The following KDM2B variants were observed in gnomAD, a reference collection of about 807,000 sequenced individuals.
KDM2B encodes lysine-specific demethylase 2B.
A neutral mutation model predicts 150.0 loss-of-function variants in KDM2B; 26 were observed. The observed-to-expected ratio is 0.17, with a 90% CI of 0.13 to 0.24. KDM2B has a LOEUF of 0.24. KDM2B is among the 10% of genes least tolerant of loss of function. KDM2B has a pLI of 1.00. For synonymous variants in KDM2B, 734 were observed against 729.5 expected, an observed-to-expected ratio of 1.01 and a Z score of -0.10; for missense variants, 1,265 against 1,816.9, an observed-to-expected ratio of 0.70 and a Z score of 5.52.
chr12:121,497,408 G>A (rs781788178), intron 11 of KDM2B, among the ~76,000 whole-genome samples: 9 of 152,026 alleles, frequency 5.9e-5, no homozygotes, highest in African/African-American at 1.2e-4. Flanking sequence ...AGGTTCAAGC[G>A]AGTCTCCTGC....
chr12:121,449,978 C>T (rs1876945903), intron 13 of KDM2B, among the ~76,000 whole-genome samples: 2 of 152,122 alleles, frequency 1.3e-5, no homozygotes, highest in Admixed American at 1.3e-4. Flanking sequence ...GGGTTAATAT[C>T]CAAAACATAT....
In KDM2B at chr12:121,518,584, G is replaced by C. The variant is rs28496490; in HGVS notation, c.1047+2401C>G. 6.6e-6 allele frequency among the ~76,000 whole-genome samples: 1 copy of C among 152,212 alleles called. No homozygotes were observed. Among genetic ancestry groups the C allele is most frequent in the Admixed American group, 6.5e-5 (1 of 15,282 alleles). ...CCACGTAAGCTCAGTGTGATGCTCAGGGGTCCGGCCAGCACCCTGCCAGTC... is the reference window on the plus strand; with the variant it reads ...CCACGTAAGCTCAGTGTGATGCTCACGGGTCCGGCCAGCACCCTGCCAGTC... On this transcript the variant is annotated intron_variant, in intron 9 of 22. Transcript: ENST00000377071. This position sits in a 1 kb window ranked among gnomAD's most constrained non-coding sequence, Gnocchi z 4.4.
At chr12:121,417,915 C>T in the KDM2B span, 3 of 1,611,722 alleles carry the variant, frequency 1.9e-6, no homozygotes, top group African/African-American at 1.3e-5. The surrounding 1 kb of genome is among the most constrained non-coding windows in gnomAD (Gnocchi z 5.0). Context: ...GGCACAGGTA[C>T]GAGGGGGTAA....
intron 4 of KDM2B, among the ~76,000 whole-genome samples, chr12:121,553,392 G>C (rs1889664780): frequency 6.6e-6 from 1 of 152,064 alleles, no homozygotes; most frequent in Non-Finnish European, 1.5e-5. Flanking sequence ...ATAGGATAAA[G>C]AGCACTAAAA....
Position 121,580,093 on chromosome 12 carries a change from C to G in KDM2B, c.126+693G>C, listed in dbSNP as rs565409720. 4 of 1,584,952 alleles carry G rather than the reference C, an allele frequency of 2.5e-6. No individual in the cohort carries two copies. The African/African-American group carries it at 4.1e-5, about 16-fold the overall frequency. ...CACCAATTAATTGTCAACACTCCTG[C>G]CCCCTGCATTTTGGCCGAGGGGGGA... On this transcript the variant is annotated intron_variant, in intron 1 of 22. Transcript: ENST00000377071.
At chr12:121,449,998 C>T (rs541534509) in intron 13 of KDM2B, among the ~76,000 whole-genome samples, 3 of 152,290 alleles carry the variant, frequency 2.0e-5, no homozygotes, top group South Asian at 2.1e-4. Flanking sequence ...TCTAGAACTC[C>T]TCTAACTCAG....
intron 12 of KDM2B, among the ~76,000 whole-genome samples, chr12:121,478,866 T>G (rs370807492): frequency 2.3e-5 from 3 of 131,134 alleles, no homozygotes; most frequent in Non-Finnish European, 4.7e-5. Flanking sequence ...TTTTGTTTGT[T>G]TGTGTGTGTG....
intron 4 of KDM2B, among the ~76,000 whole-genome samples, chr12:121,561,959 G>GTC (rs1555313888): frequency 2.0e-5 from 3 of 152,130 alleles, no homozygotes; most frequent in African/African-American, 7.2e-5. Context: ...ATCACCTGAG[G>GTC]TCAGGAGTTC....
chr12:121,503,281 G>A (rs1302647600), intron 11 of KDM2B, among the ~76,000 whole-genome samples: 1 of 150,666 alleles, frequency 6.6e-6, no homozygotes, highest in Non-Finnish European at 1.5e-5. Flanking sequence ...CCCGGGCTGT[G>A]GTGTTTTGTT....
intron 4 of KDM2B, among the ~76,000 whole-genome samples, chr12:121,561,182 G>A (rs1460271930): frequency 2.6e-5 from 4 of 152,104 alleles, no homozygotes; most frequent in Non-Finnish European, 4.4e-5. Context: ...CGAAAGCCTC[G>A]GGCTCGGGGC....
chr12:121,576,141 C>T (rs1249290838), intron 2 of KDM2B, among the ~76,000 whole-genome samples: 2 of 152,066 alleles, frequency 1.3e-5, no homozygotes, highest in African/African-American at 4.8e-5. Context: ...CCAAGGCCAG[C>T]GAGGGTTGGG....
chr12:121,457,957 A>G (rs1175134514), intron 12 of KDM2B, among the ~76,000 whole-genome samples: 4 of 152,236 alleles, frequency 2.6e-5, no homozygotes, highest in Non-Finnish European at 5.9e-5. Context: ...TCTAAATTAT[A>G]GGGATTAAAA....
intron 22 of KDM2B, among the ~76,000 whole-genome samples, chr12:121,437,498 GTCCACATGGGAAAAAAAAAGAAATT>G (rs1413121645): frequency 1.4e-4 from 19 of 136,734 alleles, no homozygotes; most frequent in African/African-American, 4.8e-4. Context: ...AATATATAAT[GTCCACATGGGAAAAAAAAAGAAATT>G]GCAGTATATG....
chr12:121,465,380 C>G (rs1488163912), intron 12 of KDM2B, among the ~76,000 whole-genome samples: 1 of 152,158 alleles, frequency 6.6e-6, no homozygotes, highest in East Asian at 1.9e-4. Flanking sequence ...ATTAAAGGCA[C>G]CGGCCACCAC....
At position 121,581,011 on chromosome 12, in the gene KDM2B, C is replaced by G; in HGVS notation, c.-100G>C. 2 of 1,475,240 alleles carry G rather than the reference C, an allele frequency of 1.4e-6. No homozygotes were observed. The highest frequency in any genetic ancestry group is 1.8e-6 in the Non-Finnish European group (2 of 1,095,634). 91.4% of individuals were successfully genotyped at this position (1,475,240 alleles called of 1,614,324 possible). A position where few individuals can be genotyped will look rare whatever the true frequency, so the allele number is the denominator to read the frequency against. ...AACTCCCGGCACTCAAAGATGTGGA[C>G]ACACACACGTACAGGAAATACAGCC... is the stretch of plus-strand genomic sequence containing the variant. On this transcript the variant is annotated 5_prime_UTR_variant, in exon 1 of 23. Coordinates refer to ENST00000377071, the MANE Select transcript of KDM2B (RefSeq NM_032590.5).
intron 9 of KDM2B, among the ~76,000 whole-genome samples, chr12:121,517,761 G>A (rs1056060184): frequency 6.1e-5 from 9 of 146,546 alleles, no homozygotes; most frequent in East Asian, 4.2e-4. Flanking sequence ...GTCAGCCACC[G>A]GCGCCTGGCC....
At chr12:121,581,838 A>G (rs781949369), upstream of KDM2B, among the ~76,000 whole-genome samples, 1 of 152,152 alleles carries the variant, frequency 6.6e-6, no homozygotes, top group Non-Finnish European at 1.5e-5. Flanking sequence ...CGATGTCACT[A>G]TCAGCATCGT....
intron 6 of KDM2B, among the ~76,000 whole-genome samples, chr12:121,547,385 G>A (rs1594100394): frequency 1.3e-5 from 2 of 152,278 alleles, no homozygotes; most frequent in East Asian, 3.9e-4. Context: ...GAGAGAGAGA[G>A]CTTGAAAGCA....
At chr12:121,423,176 C>CA in the KDM2B span, among the ~76,000 whole-genome samples, 1 of 152,208 alleles carries the variant, frequency 6.6e-6, no homozygotes, top group African/African-American at 2.4e-5. The surrounding 1 kb of genome is among the most constrained non-coding windows in gnomAD (Gnocchi z 4.3). Flanking sequence ...TTATTCTTTA[C>CA]AAAACCCTGA....
Sources: allele counts gnomAD v4.1 joint callset (sites outside exome capture counted in the v4.1 genomes callset), GRCh38; gene constraint gnomAD v4.1.1; non-coding constraint Gnocchi (gnomAD v3.1); transcripts MANE v1.5; gene names NCBI Gene and HGNC (gene_info 2026-07-23, HGNC 2026-07-21).